Variants in PDE1C observed in about 807,000 individuals in gnomAD.
The protein encoded by PDE1C is phosphodiesterase 1C, also known as dual specificity calcium/calmodulin-dependent 3',5'-cyclic nucleotide phosphodiesterase 1C.
A neutral mutation model predicts 93.1 loss-of-function variants in PDE1C; 62 were observed. The ratio of observed to expected loss-of-function variants is 0.67; its 90% confidence interval spans 0.54 to 0.82. The LOEUF (loss-of-function observed/expected upper bound fraction) is 0.82. PDE1C is among the 40% of genes least tolerant of loss of function. The pLI is 0.00. For synonymous variants in PDE1C, 325 were observed against 310.1 expected, an observed-to-expected ratio of 1.05 and a Z score of -0.50; for missense variants, 742 against 884.6, an observed-to-expected ratio of 0.84 and a Z score of 2.04.
intron 1 of PDE1C, among the ~76,000 whole-genome samples, chr7:32,423,525 C>T (rs1785473688): frequency 6.6e-6 from 1 of 152,204 alleles, no homozygotes; most frequent in African/African-American, 2.4e-5. Flanking sequence ...AATAGAATCA[C>T]CTGGGAAATT....
the PDE1C span, chr7:31,652,748 A>G: frequency 5.8e-5 from 93 of 1,613,974 alleles, no homozygotes; most frequent in Non-Finnish European, 7.6e-5. Context: ...TGTCTCCTTC[A>G]TCATCAGCTT....
At chr7:32,211,710 C>G (rs186329265) in intron 1 of PDE1C, among the ~76,000 whole-genome samples, 20 of 151,782 alleles carry the variant, frequency 1.3e-4, no homozygotes, top group Non-Finnish European at 2.4e-4. Context: ...ATTTAGACAC[C>G]GCAAATGTCT....
intron 2 of PDE1C, among the ~76,000 whole-genome samples, chr7:32,206,395 G>A (rs2128836904): frequency 6.6e-6 from 1 of 152,258 alleles, no homozygotes; most frequent in East Asian, 1.9e-4. Context: ...GTCTAATAGA[G>A]ACCGACAGTT....
intron 11 of PDE1C, among the ~76,000 whole-genome samples, chr7:31,833,195 G>A (rs1387794724): frequency 6.6e-6 from 1 of 152,194 alleles, no homozygotes; most frequent in Non-Finnish European, 1.5e-5. Flanking sequence ...TGCCATGTAA[G>A]ACATCCCTTT....
At chr7:31,622,098 C>A in the PDE1C span, among the ~76,000 whole-genome samples, 12 of 139,150 alleles carry the variant, frequency 8.6e-5, no homozygotes, top group Non-Finnish European at 1.2e-4. Context: ...CACCCAGATT[C>A]ATAAAGCAAG....
intron 3 of PDE1C, among the ~76,000 whole-genome samples, chr7:32,118,028 CTG>C (rs1799080545): frequency 6.6e-6 from 1 of 152,166 alleles, no homozygotes; most frequent in African/African-American, 2.4e-5. Context: ...AAGCTGGACA[CTG>C]ATGCAACAAG....
chr7:31,908,438 C>A (rs1035996423), intron 2 of PDE1C, among the ~76,000 whole-genome samples: 1 of 152,158 alleles, frequency 6.6e-6, no homozygotes, highest in Non-Finnish European at 1.5e-5. Context: ...CTGGTTCCAG[C>A]GTATGCTCCA....
chr7:32,268,410 G>A (rs10282058), intron 1 of PDE1C, among the ~76,000 whole-genome samples: 6,073 of 152,088 alleles, frequency 0.04, 443 homozygotes, highest in African/African-American at 0.14. Flanking sequence ...CTTTCTTTCT[G>A]GAATGATAGG....
chr7:32,041,547 A>G (rs989391353), intron 2 of PDE1C, among the ~76,000 whole-genome samples: 1 of 152,218 alleles, frequency 6.6e-6, no homozygotes, highest in African/African-American at 2.4e-5. Flanking sequence ...TTGAAAAGGC[A>G]GTATCGTATT....
intron 2 of PDE1C, among the ~76,000 whole-genome samples, chr7:31,956,091 G>C (rs2129021735): frequency 6.6e-6 from 1 of 151,910 alleles, no homozygotes; most frequent in South Asian, 2.1e-4. Flanking sequence ...GCCTCAGCAA[G>C]GGTCTACTTT....
intron 1 of PDE1C, among the ~76,000 whole-genome samples, chr7:32,271,664 G>T (rs940744336): frequency 6.6e-6 from 1 of 152,142 alleles, no homozygotes; most frequent in Non-Finnish European, 1.5e-5. Flanking sequence ...AAAACAGGAC[G>T]AAGTTCACAC....
chr7:31,743,438 G>A, the PDE1C span, among the ~76,000 whole-genome samples: 1 of 152,090 alleles, frequency 6.6e-6, no homozygotes, highest in Admixed American at 6.5e-5. Context: ...TAAGACAGGA[G>A]AGTCAATAGG....
the PDE1C span, among the ~76,000 whole-genome samples, chr7:31,649,154 A>G: frequency 6.6e-6 from 1 of 152,246 alleles, no homozygotes; most frequent in Admixed American, 6.5e-5. Context: ...AGAGGATAGA[A>G]TCAAAACCAA....
At chr7:32,402,220 C>G (rs1270699772) in intron 1 of PDE1C, among the ~76,000 whole-genome samples, 1 of 152,026 alleles carries the variant, frequency 6.6e-6, no homozygotes, top group African/African-American at 2.4e-5. Context: ...CTCAGAGAAA[C>G]AGAACCAGTA....
At chr7:32,284,771 G>A (rs1585077826) in intron 1 of PDE1C, among the ~76,000 whole-genome samples, 2 of 152,128 alleles carry the variant, frequency 1.3e-5, no homozygotes, top group Non-Finnish European at 2.9e-5. Context: ...AGTGGCTCAC[G>A]CCTGTAATCC....
At chr7:32,240,044 A>G (rs1244332615) in intron 1 of PDE1C, among the ~76,000 whole-genome samples, 1 of 152,156 alleles carries the variant, frequency 6.6e-6, no homozygotes, top group African/African-American at 2.4e-5. Flanking sequence ...GGCATGCACC[A>G]TGAGTTAGAG....
intron 3 of PDE1C, among the ~76,000 whole-genome samples, chr7:32,117,489 G>A (rs1799048034): frequency 6.6e-6 from 1 of 152,164 alleles, no homozygotes; most frequent in African/African-American, 2.4e-5. Flanking sequence ...GCCATAACTG[G>A]AACCTAAGCC....
chr7:32,424,921 A>G (rs1019143965), intron 1 of PDE1C, among the ~76,000 whole-genome samples: 2 of 152,218 alleles, frequency 1.3e-5, no homozygotes, highest in Admixed American at 1.3e-4. Flanking sequence ...AGAAAAGGTA[A>G]GAACACAAGT....
At chr7:31,694,999 T>C in the PDE1C span, among the ~76,000 whole-genome samples, 9 of 152,086 alleles carry the variant, frequency 5.9e-5, no homozygotes, top group Admixed American at 1.3e-4. Context: ...ACTGGCACAA[T>C]GATGAAGGCA....
Sources: gnomAD v4.1 joint callset for allele counts (sites outside exome capture counted in the v4.1 genomes callset) on GRCh38, gnomAD v4.1.1 for gene constraint, MANE v1.5 for transcripts, NCBI Gene and HGNC (gene_info 2026-07-23, HGNC 2026-07-21) for gene names.